Variants in CNTN3 observed in about 807,000 individuals in gnomAD.
CNTN3 encodes the protein contactin 3.
A neutral mutation model predicts 119.1 loss-of-function variants in CNTN3; 60 were observed. The observed-to-expected ratio is 0.50, with a 90% CI of 0.41 to 0.62. The LOEUF is 0.62. Ranked by LOEUF, CNTN3 falls within the 20% of genes least tolerant of loss-of-function variation. The pLI is 0.00. For missense variants in CNTN3, 1,101 were observed against 1,242.4 expected (o/e 0.89, Z 1.71); for synonymous variants, 450 against 438.7 (o/e 1.03, Z -0.32).
intron 1 of CNTN3, among the ~76,000 whole-genome samples, chr3:74,570,817 C>T (rs964395265): frequency 3.9e-5 from 6 of 152,122 alleles, no homozygotes; most frequent in Non-Finnish European, 8.8e-5. Context: ...TGGATGTGGG[C>T]TTCTATTTTT....
Position 74,302,672 on chromosome 3 carries a change from G to A in CNTN3, c.1786+18C>T, listed in dbSNP as rs373418858. The A allele has an allele frequency of 3.7e-5, 53 of 1,450,776 alleles. No individual in the cohort carries two copies. The highest frequency in any genetic ancestry group is 4.9e-5 in the Non-Finnish European group (51 of 1,033,666). The allele number at this position is 1,450,776 out of a possible 1,614,324, so 89.9% of individuals were successfully genotyped here. On this transcript the variant is annotated intron_variant, in intron 14 of 22. Transcript: ENST00000263665. ...TAAGATGTGAAGTGACAAACTCAAGGGGGCATAAATGTTTTACCTCTTACT... is the reference window on the plus strand; with the variant it reads ...TAAGATGTGAAGTGACAAACTCAAGAGGGCATAAATGTTTTACCTCTTACT...
chr3:74,483,220 G>A (rs58468536), intron 4 of CNTN3, among the ~76,000 whole-genome samples: 54,467 of 151,854 alleles, frequency 0.36, 12,035 homozygotes, highest in Non-Finnish European at 0.5. Context: ...GACAGACTGG[G>A]GGGAAACCTA....
chr3:74,329,102 T>G (rs1283804387), intron 13 of CNTN3, among the ~76,000 whole-genome samples: 1 of 152,198 alleles, frequency 6.6e-6, no homozygotes, highest in Non-Finnish European at 1.5e-5. Context: ...CAAATAATTC[T>G]ATGAAATAAA....
chr3:74,343,814 C>T (rs1278148570), intron 11 of CNTN3, among the ~76,000 whole-genome samples: 3 of 152,152 alleles, frequency 2.0e-5, no homozygotes, highest in African/African-American at 7.2e-5. Flanking sequence ...TGGGATGGGG[C>T]ATAAGGATTT....
At chr3:74,595,675 T>A (rs1038820363) in intron 1 of CNTN3, among the ~76,000 whole-genome samples, 1 of 152,114 alleles carries the variant, frequency 6.6e-6, no homozygotes, top group African/African-American at 2.4e-5. Context: ...AATTAGGTAT[T>A]GATGGGACAT....
chr3:74,306,756 A>G (rs1383978895), intron 13 of CNTN3, among the ~76,000 whole-genome samples: 3 of 152,184 alleles, frequency 2.0e-5, no homozygotes, highest in Non-Finnish European at 4.4e-5. Context: ...AAGTCATACA[A>G]ATTGAGTTCC....
rs750002537 is a variant in CNTN3 at position 74,285,378 on chromosome 3, C to T, written c.2631G>A (p.Thr877=). 21 of 1,613,364 alleles carry T rather than the reference C, an allele frequency of 1.3e-5. No individual in the cohort carries two copies. The highest frequency in any genetic ancestry group is 2.2e-5 in the East Asian group (1 of 44,796). ...RGLKSNLAYY[T]AVRAYNSAGA... is the part of the protein sequence containing the mutation. ...CGGCACTGTTGTAAGCCCGGACAGC[C>T]GTGTAATAGGCCAGGTTGCTCTTCA... The change falls in exon 20 of 23, where the codon ACG becomes ACA. Residue 877 remains threonine (T), a synonymous_variant. Transcript: ENST00000263665.
intron 13 of CNTN3, among the ~76,000 whole-genome samples, chr3:74,324,106 T>C (rs1243628885): frequency 6.6e-6 from 1 of 152,298 alleles, no homozygotes; most frequent in East Asian, 1.9e-4. Context: ...TGTAATTCTT[T>C]GGTGGTATCT....
rs754964196 is a variant in CNTN3, at chr3:74,268,383, T to C, written c.2705-1005A>G. Among the ~76,000 whole-genome samples the C allele has an allele frequency of 1.8e-4, 27 of 152,324 alleles. 1 individual carries two copies. The South Asian group carries it at 1.9e-3, about 11-fold the overall frequency. ...ATTTAACCACAGAATGTGATTTGGCTAACTGAATTTGTAATGGAAAAATGA... is the reference window on the plus strand; with the variant it reads ...ATTTAACCACAGAATGTGATTTGGCCAACTGAATTTGTAATGGAAAAATGA... On this transcript the variant is annotated intron_variant, in intron 20 of 22. Coordinates refer to ENST00000263665, the MANE Select transcript of CNTN3 (RefSeq NM_020872.3).
chr3:74,518,511 C>T (rs934048317), intron 2 of CNTN3, among the ~76,000 whole-genome samples: 2 of 151,894 alleles, frequency 1.3e-5, no homozygotes, highest in Non-Finnish European at 1.5e-5. Context: ...GAGTTTATGG[C>T]AATTGCTTAC....
intron 1 of CNTN3, among the ~76,000 whole-genome samples, chr3:74,550,983 T>G (rs1021628714): frequency 2.1e-4 from 32 of 152,012 alleles, no homozygotes; most frequent in Middle Eastern, 3.4e-3. Context: ...CCATCAAGAG[T>G]CCAATGTCGA....
intron 12 of CNTN3, among the ~76,000 whole-genome samples, chr3:74,335,957 T>G (rs1703384206): frequency 6.6e-6 from 1 of 152,176 alleles, no homozygotes; most frequent in Non-Finnish European, 1.5e-5. Flanking sequence ...AATTTTTGCC[T>G]TCTAATAATT....
At chr3:74,276,976 A>G (rs939142878) in intron 20 of CNTN3, among the ~76,000 whole-genome samples, 3 of 152,156 alleles carry the variant, frequency 2.0e-5, no homozygotes, top group African/African-American at 7.2e-5. Context: ...ACACAAATAC[A>G]AAAGATCATT....
intron 1 of CNTN3, among the ~76,000 whole-genome samples, chr3:74,553,171 T>A (rs1052673976): frequency 6.8e-6 from 1 of 147,558 alleles, no homozygotes. Context: ...CACTTATGAG[T>A]GAGAGCATGC....
At chr3:74,417,197 T>A (rs535063826) in intron 5 of CNTN3, among the ~76,000 whole-genome samples, 2 of 152,216 alleles carry the variant, frequency 1.3e-5, no homozygotes, top group Non-Finnish European at 2.9e-5. Context: ...GGTTAACTAG[T>A]CACTAGCAAA....
chr3:74,407,271 T>TTTA, intron 5 of CNTN3, among the ~76,000 whole-genome samples: 2 of 141,916 alleles, frequency 1.4e-5, no homozygotes, highest in East Asian at 4.2e-4. Flanking sequence ...TCTATTTTTT[T>TTTA]TTTTTTTTTT....
At chr3:74,434,320 C>T (rs1575721277) in intron 4 of CNTN3, among the ~76,000 whole-genome samples, 1 of 152,310 alleles carries the variant, frequency 6.6e-6, no homozygotes, top group African/African-American at 2.4e-5. Flanking sequence ...AACAATTATA[C>T]AAGTACAAGG....
intron 5 of CNTN3, among the ~76,000 whole-genome samples, chr3:74,412,925 C>T (rs1271524795): frequency 6.6e-6 from 1 of 151,992 alleles, no homozygotes; most frequent in Non-Finnish European, 1.5e-5. Context: ...ATGCAGATCT[C>T]TGTCAAATAT....
intron 5 of CNTN3, among the ~76,000 whole-genome samples, chr3:74,379,520 T>C (rs1054280895): frequency 6.6e-6 from 1 of 152,168 alleles, no homozygotes; most frequent in Non-Finnish European, 1.5e-5. Context: ...CGTACCCAAC[T>C]GAAGTGCTTA....
Sources: allele counts gnomAD v4.1 joint callset (sites outside exome capture counted in the v4.1 genomes callset), GRCh38; gene constraint gnomAD v4.1.1; transcripts MANE v1.5; gene names NCBI Gene and HGNC (gene_info 2026-07-23, HGNC 2026-07-21).